ATP6V1B1: variants seen among roughly 807,000 people sequenced by gnomAD.
The protein encoded by ATP6V1B1 is V-type proton ATPase subunit B, kidney isoform.
Under a neutral mutation model 62.1 loss-of-function variants are expected in ATP6V1B1, and 41 were observed. The observed-to-expected ratio is 0.66, with a 90% CI of 0.51 to 0.86. The LOEUF (loss-of-function observed/expected upper bound fraction) is 0.86, where lower values mean the gene tolerates loss of function less well. Ranked by LOEUF, ATP6V1B1 falls within the 40% of genes least tolerant of loss-of-function variation. The pLI is 0.00. For missense variants in ATP6V1B1, 651 were observed against 697.5 expected (o/e 0.93, Z 0.75); for synonymous variants, 253 against 273.4 (o/e 0.93, Z 0.74).
chr2:70,945,819 C>A (rs1017892437), intron 2 of ATP6V1B1, among the ~76,000 whole-genome samples: 3 of 148,060 alleles, frequency 2.0e-5, no homozygotes, highest in Non-Finnish European at 4.5e-5. Context: ...ATTTTGTGCA[C>A]AGATTTTTCC....
chr2:70,940,907 C>CTTTTTTTTTTTTTTTTTT (rs782110711), intron 1 of ATP6V1B1: 5 of 685,730 alleles, frequency 7.3e-6, no homozygotes, highest in East Asian at 1.7e-4. Context: ...TTTTCTTTTT[C>CTTTTTTTTTTTTTTTTTT]TTTTTCTTTT....
intron 8 of ATP6V1B1, 50 bp downstream of exon 8, chr2:70,961,743 C>A: frequency 6.4e-7 from 1 of 1,563,430 alleles, no homozygotes; most frequent in South Asian, 1.1e-5. Flanking sequence ...AGACCCCGTC[C>A]CCTTCCAAGA....
chr2:70,964,559 C>T lies in ATP6V1B1; in HGVS notation c.1248+17C>T. ...AACCAGCTGGTAAGGAGAAGAGGGT[C>T]CGGGGGCTGGTAGGTCCTCTAGTTT... On this transcript the variant is annotated intron_variant, in intron 12 of 13. Coordinates refer to ENST00000234396, the MANE Select transcript of ATP6V1B1 (RefSeq NM_001692.4). 3 of 1,613,020 alleles carry T rather than the reference C, an allele frequency of 1.9e-6. No homozygotes were observed. The highest frequency in any genetic ancestry group is 2.5e-6 in the Non-Finnish European group (3 of 1,179,036).
In ATP6V1B1 at chr2:70,964,934, C is replaced by G. The variant is rs782056222; in HGVS notation, c.1379-24C>G. 3.1e-6 allele frequency: 5 copies of G among 1,614,038 alleles called. No homozygotes were observed. In the East Asian group the frequency reaches 1.1e-4, roughly 36 times the overall value. ...CCTTCCGCCCCACACACATTCCTAACACTCCCTCCCGCTCTGTCCCTAGGC... is the reference window on the plus strand; with the variant it reads ...CCTTCCGCCCCACACACATTCCTAAGACTCCCTCCCGCTCTGTCCCTAGGC... On this transcript the variant is annotated intron_variant, in intron 13 of 13. Coordinates refer to ENST00000234396, the MANE Select transcript of ATP6V1B1 (RefSeq NM_001692.4).
rs782618453 is a variant in ATP6V1B1 at position 70,952,462 on chromosome 2, C to CAA, written c.175-5571_175-5570dup. Among the ~76,000 whole-genome samples the CAA allele has an allele frequency of 3.0e-3, 309 of 103,050 alleles. 1 individual carries two copies. Among genetic ancestry groups the CAA allele is most frequent in the African/African-American group, 0.01 (283 of 27,694 alleles). 67.6% of individuals were successfully genotyped at this position (103,050 alleles called of 152,430 possible). A position where few individuals can be genotyped will look rare whatever the true frequency, so the allele number is the denominator to read the frequency against. ...TGGGGGACAGAGTAAGACTCTGTCT[C>CAA]AAAAAAAAAAAAAACCACACATAAA... On this transcript the variant is annotated intron_variant, in intron 2 of 13. Transcript: ENST00000234396.
rs544248617 is a variant in ATP6V1B1 at position 70,948,960 on chromosome 2, C to T, written c.174+5247C>T. 1.4e-4 allele frequency among the ~76,000 whole-genome samples: 22 copies of T among 152,168 alleles called. 1 individual carries two copies. The South Asian group carries it at 4.0e-3, about 27-fold the overall frequency. On this transcript the variant is annotated intron_variant, in intron 2 of 13. Coordinates refer to ENST00000234396, the MANE Select transcript of ATP6V1B1 (RefSeq NM_001692.4). ...GCCCTTAAGGTCACTAGTTTGTGGC[C>T]AGTAGGTGATATAACGATAGTAATG...
At chr2:70,952,005 T>G (rs57370006) in intron 2 of ATP6V1B1, among the ~76,000 whole-genome samples, 8,309 of 152,302 alleles carry the variant, frequency 0.055, 439 homozygotes, top group East Asian at 0.3. Flanking sequence ...AAAACAATGT[T>G]AGGTAACAAT....
chr2:70,959,154 T>C lies in ATP6V1B1; in HGVS notation c.445+59T>C, dbSNP rs1236008056. ...CCCAGCCCTAACACCTTCCCCACTC[T>C]TGGAAGTTCTGCCCAGACTCACAAG... On this transcript the variant is annotated intron_variant, in intron 5 of 13. Transcript: ENST00000234396. This position sits in a 1 kb window ranked among gnomAD's most constrained non-coding sequence, Gnocchi z 4.2. 1.3e-6 allele frequency: 2 copies of C among 1,562,802 alleles called. No homozygotes were observed. Among genetic ancestry groups the C allele is most frequent in the African/African-American group, 2.7e-5 (2 of 73,778 alleles).
At chr2:70,950,124 A>G (rs1680285078) in intron 2 of ATP6V1B1, among the ~76,000 whole-genome samples, 1 of 152,092 alleles carries the variant, frequency 6.6e-6, no homozygotes, top group Admixed American at 6.5e-5. Context: ...AATATACAAC[A>G]TTTGTTCTAT....
chr2:70,960,246 C>T (rs1329486174), intron 6 of ATP6V1B1, among the ~76,000 whole-genome samples, 168 bp downstream of exon 6: 1 of 152,190 alleles, frequency 6.6e-6, no homozygotes, highest in Non-Finnish European at 1.5e-5. Context: ...GGACTCAGGA[C>T]TGCACAAGAT....
chr2:70,944,935 G>A (rs1048127873), intron 2 of ATP6V1B1, among the ~76,000 whole-genome samples: 1 of 152,088 alleles, frequency 6.6e-6, no homozygotes, highest in African/African-American at 2.4e-5. Flanking sequence ...CCAAAGTGCT[G>A]GGATTACAGG....
In ATP6V1B1 at chr2:70,961,663, G is replaced by A. The variant is rs1553420136; in HGVS notation, c.755G>A (p.Cys252Tyr). 6.2e-7 allele frequency: 1 copy of A among 1,614,106 alleles called. No homozygotes were observed. Among genetic ancestry groups the A allele is most frequent in the Non-Finnish European group, 8.5e-7 (1 of 1,180,032 alleles). Residue 252 changes from cysteine (C) to tyrosine (Y), a missense_variant, in exon 8 of 14, where the codon TGC becomes TAC. Cys to Tyr is a radical substitution (Grantham distance 194, BLOSUM62 -2). Transcript: ENST00000234396. ...FEQNGTMGNV[C>Y]LFLNLANDPT... The stretch of plus-strand genomic sequence containing the variant: ...CAGAATGGAACCATGGGGAACGTCT[G>A]CCTCTTCCTGAACTTGGCCAATGAC...
chr2:70,946,227 C>G (rs1680171356), intron 2 of ATP6V1B1, among the ~76,000 whole-genome samples: 1 of 152,202 alleles, frequency 6.6e-6, no homozygotes. Context: ...TTAAATAAAT[C>G]AGACCCATTC....
At chr2:70,949,712 CT>C (rs782278957) in intron 2 of ATP6V1B1, among the ~76,000 whole-genome samples, 12 of 152,128 alleles carry the variant, frequency 7.9e-5, no homozygotes, top group Non-Finnish European at 1.2e-4. Context: ...TTTGATTTTG[CT>C]TCCTTCTCCG....
chr2:70,961,493 T>C, intron 7 of ATP6V1B1, 103 bp from the exon 8 acceptor site: 1 of 1,217,340 alleles, frequency 8.2e-7, no homozygotes, highest in East Asian at 2.3e-5. Flanking sequence ...CAGCGACTGG[T>C]AGCTGGTCAG....
chr2:70,945,699 GAGATATATAT>G (rs1484864514), intron 2 of ATP6V1B1, among the ~76,000 whole-genome samples: 1,503 of 70,090 alleles, frequency 0.021, 80 homozygotes, highest in African/African-American at 0.069. Context: ...GCTATTTGAA[GAGATATATAT>G]ATATATATAT....
At chr2:70,951,776 G>A (rs1369049724) in intron 2 of ATP6V1B1, among the ~76,000 whole-genome samples, 1 of 152,078 alleles carries the variant, frequency 6.6e-6, no homozygotes, top group African/African-American at 2.4e-5. Context: ...GCACATGCCT[G>A]TAATCCCAGA....
At chr2:70,949,929 T>C (rs1553417994) in intron 2 of ATP6V1B1, among the ~76,000 whole-genome samples, 2 of 152,248 alleles carry the variant, frequency 1.3e-5, no homozygotes, top group African/African-American at 4.8e-5. Flanking sequence ...CATCTGTCTT[T>C]TAATTGGATT....
Position 70,959,188 on chromosome 2 carries a change from A to G in ATP6V1B1, c.445+93A>G, listed in dbSNP as rs375885326. Reference sequence around the variant, plus strand: ...CTGCCCAGACTCACAAGCAGATCAGATGTGATGGGAGAGCAGCAAAGGCCT... The same window carrying G: ...CTGCCCAGACTCACAAGCAGATCAGGTGTGATGGGAGAGCAGCAAAGGCCT... On this transcript the variant is annotated intron_variant, in intron 5 of 13. Transcript: ENST00000234396. This position sits in a 1 kb window ranked among gnomAD's most constrained non-coding sequence, Gnocchi z 4.2. 2.2e-6 allele frequency: 3 copies of G among 1,385,798 alleles called. No individual in the cohort carries two copies. Among genetic ancestry groups the G allele is most frequent in the Non-Finnish European group, 2.0e-6 (2 of 981,454 alleles). The allele number at this position is 1,385,798 out of a possible 1,614,324, so 85.8% of individuals were successfully genotyped here.
Sources: allele counts gnomAD v4.1 joint callset (sites outside exome capture counted in the v4.1 genomes callset), GRCh38; gene constraint gnomAD v4.1.1; non-coding constraint Gnocchi (gnomAD v3.1); transcripts MANE v1.5; gene names NCBI Gene and HGNC (gene_info 2026-07-23, HGNC 2026-07-21).